DNAH12: variants seen among roughly 807,000 people sequenced by gnomAD.
DNAH12 encodes the protein dynein axonemal heavy chain 12, also known as axonemal beta dynein heavy chain 12.
A neutral mutation model predicts 371.5 loss-of-function variants in DNAH12; 285 were observed. That is an observed-to-expected ratio of 0.77 (90% CI 0.70 to 0.85). The LOEUF (loss-of-function observed/expected upper bound fraction) is 0.85, where lower values mean the gene tolerates loss of function less well. DNAH12 is among the 40% of genes least tolerant of loss of function. The probability of loss-of-function intolerance (pLI) is 0.00; values close to 1 mark genes in which losing one functional copy is unlikely to be tolerated. For missense variants in DNAH12, 3,611 were observed against 3,689.4 expected, an observed-to-expected ratio of 0.98 and a Z score of 0.55; for synonymous variants, 1,200 against 1,213.0, an observed-to-expected ratio of 0.99 and a Z score of 0.22.
chr3:57,373,481 AT>A (rs879077079), intron 55 of DNAH12, among the ~76,000 whole-genome samples: 11,926 of 140,902 alleles, frequency 0.085, 1,138 homozygotes, highest in African/African-American at 0.24. Flanking sequence ...CACCTGGCTA[AT>A]TTTTTTTTTT....
At chr3:57,492,240 C>G (rs922589999) in intron 11 of DNAH12, among the ~76,000 whole-genome samples, 1 of 152,026 alleles carries the variant, frequency 6.6e-6, no homozygotes, top group African/African-American at 2.4e-5. Flanking sequence ...GCGGGCAGAG[C>G]ACCTGAGGTC....
At chr3:57,323,307 T>G in intron 63 of DNAH12, 47 bp from the exon 64 acceptor site, 1 of 1,523,688 alleles carries the variant, frequency 6.6e-7, no homozygotes, top group South Asian at 1.3e-5. Context: ...TCTAAAATTA[T>G]AAAAAAGTGC....
At chr3:57,390,452 C>G (rs1351239346) in intron 45 of DNAH12, among the ~76,000 whole-genome samples, 3 of 59,506 alleles carry the variant, frequency 5.0e-5, no homozygotes, top group East Asian at 4.5e-3. Flanking sequence ...TATATATATA[C>G]TTAGACCAAC....
intron 2 of DNAH12, among the ~76,000 whole-genome samples, chr3:57,540,702 G>A (rs530612014): frequency 6.6e-6 from 1 of 152,258 alleles, no homozygotes; most frequent in South Asian, 2.1e-4. Context: ...GGCCAAGGCA[G>A]ATGGATCACT....
At chr3:57,499,630 C>CAA (rs1220632097) in intron 11 of DNAH12, among the ~76,000 whole-genome samples, 685 of 14,868 alleles carry the variant, frequency 0.046, 125 homozygotes, top group Non-Finnish European at 0.061. Context: ...ACCATCTCTA[C>CAA]AAAAAAAAAA....
At chr3:57,483,121 T>G (rs1230825066) in intron 13 of DNAH12, among the ~76,000 whole-genome samples, 3 of 146,612 alleles carry the variant, frequency 2.0e-5, no homozygotes, top group Non-Finnish European at 4.5e-5. Flanking sequence ...AAAAAGAAAT[T>G]CCAAGCTAAA....
rs556897718 is a variant in DNAH12, at chr3:57,299,147, C to T, written c.11395-2163G>A. 5.3e-5 allele frequency among the ~76,000 whole-genome samples: 8 copies of T among 152,218 alleles called. No individual in the cohort carries two copies. In the South Asian group the frequency reaches 1.7e-3, roughly 32 times the overall value. On this transcript the variant is annotated intron_variant, in intron 70 of 73. Coordinates refer to ENST00000495027, the MANE Select transcript of DNAH12 (RefSeq NM_001366028.2). ...AGGGTAAAACCAGGGAGAGCGAGCACCAAGCACAAGAAAGCTGTAAAGACC... is the reference window on the plus strand; with the variant it reads ...AGGGTAAAACCAGGGAGAGCGAGCATCAAGCACAAGAAAGCTGTAAAGACC...
At chr3:57,415,682 C>A in intron 37 of DNAH12, 118 bp from the exon 38 acceptor site, 2 of 954,420 alleles carry the variant, frequency 2.1e-6, no homozygotes, top group African/African-American at 1.7e-5. Flanking sequence ...ATTAAAAACT[C>A]ATTTTTACCT....
chr3:57,405,587 A>G, intron 41 of DNAH12, 66 bp downstream of exon 41: 2 of 1,423,414 alleles, frequency 1.4e-6, no homozygotes, highest in Admixed American at 5.3e-5. Context: ...TAAAAATATA[A>G]CTTAATTGTA....
At position 57,301,418 on chromosome 3, in the gene DNAH12, G is replaced by A. The variant is rs188065692; in HGVS notation, c.11394+317C>T. 2.6e-4 allele frequency among the ~76,000 whole-genome samples: 40 copies of A among 150,980 alleles called. No homozygotes were observed. In the East Asian group the frequency reaches 4.7e-3, roughly 18 times the overall value. On this transcript the variant is annotated intron_variant, in intron 70 of 73. Coordinates refer to ENST00000495027, the MANE Select transcript of DNAH12 (RefSeq NM_001366028.2). ...TTGGTCTCAGAAAACCACAAACTTC[G>A]AATTTTGAAAAATATAAATGTCACA...
chr3:57,296,786 C>T, intron 71 of DNAH12, 61 bp downstream of exon 71: 9 of 1,507,812 alleles, frequency 6.0e-6, no homozygotes, highest in Middle Eastern at 1.9e-4. Context: ...AATACATAAA[C>T]TCGGTTTAAA....
intron 58 of DNAH12, among the ~76,000 whole-genome samples, chr3:57,362,211 G>T (rs1426837491): frequency 1.3e-5 from 2 of 152,102 alleles, no homozygotes; most frequent in Non-Finnish European, 1.5e-5. Context: ...CTTTTTTATG[G>T]CTGCATAGTA....
At chr3:57,388,333 T>C (rs2063536970) in intron 45 of DNAH12, among the ~76,000 whole-genome samples, 1 of 152,196 alleles carries the variant, frequency 6.6e-6, no homozygotes. Flanking sequence ...CACTTACCAA[T>C]ACATGGCATA....
intron 59 of DNAH12, among the ~76,000 whole-genome samples, chr3:57,356,474 A>AATAAATAC (rs2062802934): frequency 6.7e-6 from 1 of 149,332 alleles, no homozygotes; most frequent in African/African-American, 2.5e-5. Context: ...TAAATAAATA[A>AATAAATAC]ATAAATAAAT....
At chr3:57,448,255 C>T (rs981500667) in intron 25 of DNAH12, among the ~76,000 whole-genome samples, 1 of 152,082 alleles carries the variant, frequency 6.6e-6, no homozygotes, top group African/African-American at 2.4e-5. Flanking sequence ...GAGTTTCTTC[C>T]TTCTGGTGGG....
chr3:57,449,419 C>T (rs888384773), intron 25 of DNAH12, among the ~76,000 whole-genome samples: 9 of 152,190 alleles, frequency 5.9e-5, no homozygotes, highest in Middle Eastern at 3.2e-3. Context: ...AGGGAGGCTC[C>T]GGCCGCACAG....
chr3:57,444,911 C>G, intron 28 of DNAH12, 95 bp from the exon 29 acceptor site: 1 of 1,398,072 alleles, frequency 7.2e-7, no homozygotes, highest in Non-Finnish European at 9.5e-7. Context: ...CCCCACCCCA[C>G]CCCCCTGGCT....
intron 60 of DNAH12, among the ~76,000 whole-genome samples, chr3:57,335,652 A>C (rs2062205576): frequency 6.6e-6 from 1 of 152,232 alleles, no homozygotes; most frequent in African/African-American, 2.4e-5. Flanking sequence ...AACGTAGAAA[A>C]GAACAGTAAA....
rs557781546 is a variant in DNAH12, at chr3:57,327,425, A to T, written c.9979-3806T>A. On this transcript the variant is annotated intron_variant, in intron 62 of 73. Coordinates refer to ENST00000495027, the MANE Select transcript of DNAH12 (RefSeq NM_001366028.2). Reference sequence around the variant, plus strand: ...GAAACTCACTCAAAACCGCTCAACTACATGGAAACTGAACAACCTGCTCCT... The same window carrying T: ...GAAACTCACTCAAAACCGCTCAACTTCATGGAAACTGAACAACCTGCTCCT... Among the ~76,000 whole-genome samples, 6 of 152,326 alleles carry T rather than the reference A, an allele frequency of 3.9e-5. No homozygotes were observed. The East Asian group carries it at 1.2e-3, about 29-fold the overall frequency.
Sources: gnomAD v4.1 joint callset for allele counts (sites outside exome capture counted in the v4.1 genomes callset) on GRCh38, gnomAD v4.1.1 for gene constraint, MANE v1.5 for transcripts, NCBI Gene and HGNC (gene_info 2026-07-23, HGNC 2026-07-21) for gene names.